The following PKIB variants were observed in gnomAD, a reference collection of about 807,000 sequenced individuals.
PKIB encodes the protein PKI-beta.
A neutral mutation model predicts 4.5 loss-of-function variants in PKIB; 2 were observed. That is an observed-to-expected ratio of 0.44 (90% CI 0.18 to 1.39). The LOEUF is 1.39. PKIB is among the 40% of genes most tolerant of loss of function. PKIB has a pLI of 0.27. For synonymous variants in PKIB, 38 were observed against 36.0 expected (o/e 1.06, Z -0.20); for missense variants, 94 against 92.6 (o/e 1.02, Z -0.06).
chr6:122,670,519 G>GTTA (rs1199250897), intron 2 of PKIB, among the ~76,000 whole-genome samples: 1 of 149,774 alleles, frequency 6.7e-6, no homozygotes, highest in African/African-American at 2.4e-5. Context: ...TGTTGTTGTT[G>GTTA]TTGTTGTTAA....
chr6:122,553,816 G>A (rs1772761341), intron 2 of PKIB, among the ~76,000 whole-genome samples: 1 of 152,128 alleles, frequency 6.6e-6, no homozygotes, highest in Non-Finnish European at 1.5e-5. Context: ...ACAGTAGGAT[G>A]ACTCTTCCTT....
rs1459129765 is a variant in PKIB, at chr6:122,526,691, T to C, written c.-248+48752T>C. 5.9e-5 allele frequency among the ~76,000 whole-genome samples: 9 copies of C among 152,128 alleles called. No individual in the cohort carries two copies. In the East Asian group the frequency reaches 1.7e-3, roughly 29 times the overall value. ...TATCTAGGCTTTGTTGTTTCATTTA[T>C]AGAGCACAAGCAGAGTAGATTTGGC... On this transcript the variant is annotated intron_variant, in intron 2 of 6. Transcript: ENST00000392491.
chr6:122,543,567 G>C (rs578175597), intron 2 of PKIB, among the ~76,000 whole-genome samples: 1 of 151,704 alleles, frequency 6.6e-6, no homozygotes. Context: ...TTTAGTAGAG[G>C]CAGTGTTTCA....
At chr6:122,560,470 G>T (rs1026707401) in intron 2 of PKIB, among the ~76,000 whole-genome samples, 1 of 152,082 alleles carries the variant, frequency 6.6e-6, no homozygotes, top group Non-Finnish European at 1.5e-5. Context: ...TAGCATCAGT[G>T]TTCATCAAAG....
chr6:122,631,665 A>T (rs1056276662), intron 1 of PKIB, among the ~76,000 whole-genome samples: 2 of 152,204 alleles, frequency 1.3e-5, no homozygotes, highest in African/African-American at 4.8e-5. Context: ...TGATGAACAA[A>T]GGTCTGTCAT....
At chr6:122,584,854 T>A (rs1773805641) in intron 2 of PKIB, among the ~76,000 whole-genome samples, 1 of 151,982 alleles carries the variant, frequency 6.6e-6, no homozygotes, top group African/African-American at 2.4e-5. Flanking sequence ...TGGGACACAA[T>A]GGGGACTAGG....
intron 2 of PKIB, among the ~76,000 whole-genome samples, chr6:122,547,868 G>A (rs1487620278): frequency 6.9e-6 from 1 of 145,872 alleles, no homozygotes; most frequent in African/African-American, 2.5e-5. Context: ...ATAACAAGTG[G>A]AGTTATGCGT....
upstream of PKIB, among the ~76,000 whole-genome samples, chr6:122,608,342 G>A (rs777393266): frequency 3.3e-4 from 50 of 152,104 alleles, no homozygotes; most frequent in Non-Finnish European, 6.2e-4. Flanking sequence ...TAAACTTTCT[G>A]CATTTAAAGG....
intron 2 of PKIB, among the ~76,000 whole-genome samples, chr6:122,652,573 C>A (rs1328709341): frequency 6.6e-6 from 1 of 152,112 alleles, no homozygotes; most frequent in African/African-American, 2.4e-5. Flanking sequence ...TTACATATAT[C>A]TACAAAATTC....
Position 122,646,426 on chromosome 6 carries a change from T to C in PKIB, c.-76+13059T>C, listed in dbSNP as rs561158260. ...GCATTTAACAGCCTTCTATTATTGATCTTAGACTTTATGTGTACCTATATA... is the reference window on the plus strand; with the variant it reads ...GCATTTAACAGCCTTCTATTATTGACCTTAGACTTTATGTGTACCTATATA... On this transcript the variant is annotated intron_variant, in intron 2 of 4. Transcript: ENST00000368452. Among the ~76,000 whole-genome samples the C allele has an allele frequency of 5.3e-5, 8 of 152,286 alleles. No individual in the cohort carries two copies. The East Asian group carries it at 1.5e-3, about 29-fold the overall frequency.
intron 2 of PKIB, among the ~76,000 whole-genome samples, chr6:122,545,839 GA>G (rs912129255): frequency 4.8e-5 from 7 of 147,010 alleles, no homozygotes; most frequent in African/African-American, 1.3e-4. Context: ...TCCATCATGT[GA>G]AAAAAAAAAG....
chr6:122,566,970 C>T (rs999151753), intron 2 of PKIB, among the ~76,000 whole-genome samples: 2 of 152,104 alleles, frequency 1.3e-5, no homozygotes, highest in African/African-American at 2.4e-5. Flanking sequence ...CTCACTGCAG[C>T]CTTGAACTCC....
At chr6:122,559,879 G>A (rs188689549) in intron 2 of PKIB, among the ~76,000 whole-genome samples, 253 of 152,262 alleles carry the variant, frequency 1.7e-3, no homozygotes, top group African/African-American at 5.8e-3. Flanking sequence ...ACTAATTTGT[G>A]TACATTAATC....
intron 3 of PKIB, among the ~76,000 whole-genome samples, chr6:122,586,502 T>C (rs573191671): frequency 6.6e-6 from 1 of 152,192 alleles, no homozygotes; most frequent in Non-Finnish European, 1.5e-5. Context: ...TCAAAGAGAG[T>C]TTAAATAAAT....
intron 2 of PKIB, among the ~76,000 whole-genome samples, chr6:122,536,901 CTT>C (rs532464253): frequency 6.1e-4 from 85 of 138,718 alleles, no homozygotes; most frequent in Non-Finnish European, 6.1e-4. Flanking sequence ...TCCTTTCTGT[CTT>C]TTTTTTTTTT....
chr6:122,624,128 A>G lies in PKIB; in HGVS notation c.-160-9155A>G, dbSNP rs75636747. On this transcript the variant is annotated intron_variant, in intron 1 of 4. Coordinates refer to ENST00000368452, the MANE Select transcript of PKIB (RefSeq NM_181795.3). Reference sequence around the variant, plus strand: ...TTATAATCATTAAGTCTGTCTTCAGAATCCATGTTCTCAAACATGACAATA... The same window carrying G: ...TTATAATCATTAAGTCTGTCTTCAGGATCCATGTTCTCAAACATGACAATA... Among the ~76,000 whole-genome samples the G allele has an allele frequency of 1.5e-3, 232 of 152,334 alleles. 5 individuals carry two copies. In the East Asian group the frequency reaches 0.026, roughly 17 times the overall value.
intron 2 of PKIB, among the ~76,000 whole-genome samples, chr6:122,652,554 T>C (rs959707776): frequency 6.6e-6 from 1 of 152,132 alleles, no homozygotes; most frequent in African/African-American, 2.4e-5. Context: ...AATCAACTGA[T>C]TATAGATGTT....
At chr6:122,546,068 G>A (rs1402913910) in intron 2 of PKIB, among the ~76,000 whole-genome samples, 1 of 151,978 alleles carries the variant, frequency 6.6e-6, no homozygotes. Flanking sequence ...CTGATTAACA[G>A]TGTAAATAGA....
intron 3 of PKIB, chr6:122,701,487 C>T (rs1219668364): frequency 6.3e-7 from 1 of 1,596,324 alleles, no homozygotes; most frequent in Middle Eastern, 1.7e-4. Flanking sequence ...AACCTGACAG[C>T]ATGTCACACC....
Sources: gnomAD v4.1 joint callset for allele counts (sites outside exome capture counted in the v4.1 genomes callset) on GRCh38, gnomAD v4.1.1 for gene constraint, MANE v1.5 for transcripts, NCBI Gene and HGNC (gene_info 2026-07-23, HGNC 2026-07-21) for gene names.